The following PCDHA4 variants were observed in gnomAD, a reference collection of about 807,000 sequenced individuals.
PCDHA4 encodes protocadherin alpha 4.
In PCDHA4, 49 loss-of-function variants were observed where a neutral mutation model predicts 61.4. The observed-to-expected ratio is 0.80, with a 90% CI of 0.63 to 1.01. The LOEUF is 1.01. PCDHA4 is among the 50% of genes least tolerant of loss of function. The pLI is 0.00. For synonymous variants in PCDHA4, 590 were observed against 550.3 expected (o/e 1.07, Z -1.01); for missense variants, 1,254 against 1,235.8 (o/e 1.01, Z -0.22).
chr5:140,923,200 G>C (rs2081224774), intron 1 of PCDHA4, among the ~76,000 whole-genome samples: 1 of 152,166 alleles, frequency 6.6e-6, no homozygotes, highest in Admixed American at 6.5e-5. Flanking sequence ...AGCAATTTGG[G>C]AGGCTAAGGT....
At chr5:140,966,802 G>A in intron 1 of PCDHA4, 4 of 1,542,100 alleles carry the variant, frequency 2.6e-6, no homozygotes, top group Non-Finnish European at 2.6e-6. Context: ...CGGCGACAGA[G>A]CATCCACGGC....
chr5:140,814,172 T>A (rs2126652493), intron 1 of PCDHA4: 1,547 of 152,634 alleles, frequency 0.01, 13 homozygotes, highest in Admixed American at 0.013. Context: ...TTTTACAAGT[T>A]TTTTTGACTT....
chr5:140,884,792 G>A, intron 1 of PCDHA4: 1 of 1,312,776 alleles, frequency 7.6e-7, no homozygotes. Flanking sequence ...AGTTGTTATC[G>A]AATTTAACAA....
intron 1 of PCDHA4, chr5:140,828,856 A>G (rs2150159802): frequency 6.2e-7 from 1 of 1,614,138 alleles, no homozygotes; most frequent in Non-Finnish European, 8.5e-7. Flanking sequence ...TCGAAAATGC[A>G]GACAACGGAA....
intron 1 of PCDHA4, chr5:140,968,340 A>G: frequency 6.2e-7 from 1 of 1,614,136 alleles, no homozygotes; most frequent in African/African-American, 1.3e-5. Context: ...GTCTCCATTA[A>G]CAGTGCCAGT....
At position 141,012,270 on chromosome 5, in the gene PCDHA4, G is replaced by A. The variant is rs782033901; in HGVS notation, c.*2333G>A. On this transcript the variant is annotated 3_prime_UTR_variant, in exon 4 of 4. Coordinates refer to ENST00000530339, the MANE Select transcript of PCDHA4 (RefSeq NM_018907.4). ...TATTACAGCTGTAAGGATAAAACAC[G>A]TCATGTGGATTCATTTTGAATTGGT... is the stretch of plus-strand genomic sequence containing the variant. 4 of 153,734 alleles carry A rather than the reference G, an allele frequency of 2.6e-5. No individual in the cohort carries two copies. The highest frequency in any genetic ancestry group is 5.9e-5 in the Non-Finnish European group (4 of 68,028). 9.5% of individuals were successfully genotyped at this position (153,734 alleles called of 1,614,324 possible).
chr5:140,985,063 G>C (rs2097134230), intron 3 of PCDHA4, among the ~76,000 whole-genome samples: 1 of 151,948 alleles, frequency 6.6e-6, no homozygotes, highest in African/African-American at 2.4e-5. Flanking sequence ...TCAGCCTCCT[G>C]AGTAGCTGAG....
intron 1 of PCDHA4, chr5:140,884,353 T>C: frequency 1.2e-6 from 2 of 1,613,886 alleles, no homozygotes; most frequent in Non-Finnish European, 1.7e-6. Context: ...CGCTGGTGGA[T>C]GTCAATGTTT....
At chr5:140,883,507 G>A (rs782325165) in intron 1 of PCDHA4, 2 of 1,614,200 alleles carry the variant, frequency 1.2e-6, no homozygotes, top group Admixed American at 1.7e-5. Context: ...ACAGCGCCCT[G>A]GACCGCGAGA....
At chr5:140,918,971 T>C (rs1342049692) in intron 1 of PCDHA4, among the ~76,000 whole-genome samples, 3 of 152,234 alleles carry the variant, frequency 2.0e-5, no homozygotes, top group Admixed American at 6.5e-5. Flanking sequence ...AGATATCGTT[T>C]AGGTTAGTTG....
At position 140,822,486 on chromosome 5, in the gene PCDHA4, C is replaced by T. The variant is rs2150116729; in HGVS notation, c.2385+12914C>T. 1.7e-5 allele frequency: 27 copies of T among 1,613,690 alleles called. No individual in the cohort carries two copies. In the African/African-American group the frequency reaches 3.1e-4, roughly 18 times the overall value. ...TCAATGTATTGGATGCTAATGATAA[C>T]GCCCCAGAATTTGATAAATCCATTT... On this transcript the variant is annotated intron_variant, in intron 1 of 3. Coordinates refer to ENST00000530339, the MANE Select transcript of PCDHA4 (RefSeq NM_018907.4).
chr5:140,967,278 G>T, intron 1 of PCDHA4: 1 of 1,613,408 alleles, frequency 6.2e-7, no homozygotes, highest in Non-Finnish European at 8.5e-7. Context: ...CACATAGAGA[G>T]TGCGCAGGAC....
At chr5:140,924,060 A>G (rs2081653054) in intron 1 of PCDHA4, among the ~76,000 whole-genome samples, 1 of 152,250 alleles carries the variant, frequency 6.6e-6, no homozygotes, top group African/African-American at 2.4e-5. Context: ...ACATCTTTAC[A>G]GTTGTATTTC....
chr5:140,969,823 T>C (rs782195981), intron 1 of PCDHA4, among the ~76,000 whole-genome samples: 3 of 152,248 alleles, frequency 2.0e-5, no homozygotes, highest in Non-Finnish European at 4.4e-5. Context: ...CTCTGGACTG[T>C]CTACAGTGGA....
rs17844334 is a variant in PCDHA4 at position 140,850,512 on chromosome 5, G to C, written c.2385+40940G>C. On this transcript the variant is annotated intron_variant, in intron 1 of 3. Transcript: ENST00000530339. ...TGTGCTGGTGTCGCTGGTGGAGAGCGGCCAGGCGCCAAAGTCATCGTCGCG... is the reference window on the plus strand; with the variant it reads ...TGTGCTGGTGTCGCTGGTGGAGAGCCGCCAGGCGCCAAAGTCATCGTCGCG... The C allele has an allele frequency of 2.1e-4, 342 of 1,598,262 alleles. 9 individuals carry two copies. The East Asian group carries it at 6.3e-3, about 30-fold the overall frequency.
intron 1 of PCDHA4, among the ~76,000 whole-genome samples, chr5:140,973,724 G>T (rs1272606867): frequency 6.6e-6 from 1 of 152,176 alleles, no homozygotes; most frequent in Non-Finnish European, 1.5e-5. Context: ...CATCACATGG[G>T]CATCTGGTCT....
chr5:140,954,383 T>C (rs1333017700), intron 1 of PCDHA4, among the ~76,000 whole-genome samples: 6 of 152,208 alleles, frequency 3.9e-5, no homozygotes, highest in African/African-American at 1.4e-4. Context: ...ATGAGTGAAC[T>C]AATTTACAAC....
At chr5:140,922,092 C>G (rs188826380) in intron 1 of PCDHA4, among the ~76,000 whole-genome samples, 2 of 152,184 alleles carry the variant, frequency 1.3e-5, no homozygotes. Context: ...GGTATTTCTA[C>G]CAACTATAGA....
intron 1 of PCDHA4, chr5:140,928,175 G>A (rs782432136): frequency 6.8e-6 from 11 of 1,614,032 alleles, no homozygotes; most frequent in African/African-American, 1.3e-5. Flanking sequence ...CTTAGCACCC[G>A]AAGGACAATC....
Sources: gnomAD v4.1 joint callset for allele counts (sites outside exome capture counted in the v4.1 genomes callset) on GRCh38, gnomAD v4.1.1 for gene constraint, MANE v1.5 for transcripts, NCBI Gene and HGNC (gene_info 2026-07-23, HGNC 2026-07-21) for gene names.